The following GSKIP variants were observed in gnomAD, a reference collection of about 807,000 sequenced individuals.
The protein encoded by GSKIP is GSK3B interacting protein, also known as GSK3B-interacting protein.
In GSKIP, 5 loss-of-function variants were observed where a neutral mutation model predicts 11.9. That is an observed-to-expected ratio of 0.42 (90% CI 0.22 to 0.89). The LOEUF is 0.89. GSKIP is among the 40% of genes least tolerant of loss of function. The probability of loss-of-function intolerance (pLI) is 0.29; values close to 1 mark genes in which losing one functional copy is unlikely to be tolerated. For synonymous variants in GSKIP, 70 were observed against 62.9 expected, an observed-to-expected ratio of 1.11 and a Z score of -0.54; for missense variants, 150 against 166.6, an observed-to-expected ratio of 0.90 and a Z score of 0.55.
intron 3 of GSKIP, among the ~76,000 whole-genome samples, chr14:96,383,252 A>AT (rs1889398804): frequency 6.6e-6 from 1 of 152,102 alleles, no homozygotes. Flanking sequence ...TCTACAATAT[A>AT]TTTTTTGTTA....
At chr14:96,369,309 A>T (rs1339509059) in intron 1 of GSKIP, among the ~76,000 whole-genome samples, 2 of 152,232 alleles carry the variant, frequency 1.3e-5, no homozygotes, top group Non-Finnish European at 2.9e-5. Context: ...AGCAGAGCAT[A>T]AAAATATGGG....
chr14:96,375,559 G>A (rs554091112), intron 1 of GSKIP, among the ~76,000 whole-genome samples: 1 of 151,168 alleles, frequency 6.6e-6, no homozygotes, highest in Admixed American at 6.6e-5. Flanking sequence ...TCAGCCTCCC[G>A]AGTAGCTGGG....
At chr14:96,373,174 G>C (rs913991587) in intron 1 of GSKIP, among the ~76,000 whole-genome samples, 1 of 130,448 alleles carries the variant, frequency 7.7e-6, no homozygotes, top group Non-Finnish European at 1.6e-5. Context: ...GGATTGCAGT[G>C]AACTGAGATA....
chr14:96,382,181 C>T (rs1355580921), intron 2 of GSKIP, 66 bp from the exon 3 acceptor site: 7 of 1,131,260 alleles, frequency 6.2e-6, no homozygotes, highest in Non-Finnish European at 7.4e-6. Flanking sequence ...TAATTTTAAT[C>T]AAATGTAGTA....
intron 1 of GSKIP, chr14:96,364,260 CCTT>C (rs1566740673): frequency 6.6e-6 from 1 of 152,180 alleles, no homozygotes; most frequent in East Asian, 1.9e-4. Context: ...AGCCAGATGT[CCTT>C]CGTTAGAATC....
At chr14:96,373,763 A>G (rs938397546) in intron 1 of GSKIP, among the ~76,000 whole-genome samples, 1 of 152,370 alleles carries the variant, frequency 6.6e-6, no homozygotes, top group East Asian at 1.9e-4. Flanking sequence ...TTAACTAGAG[A>G]TTAAACGCAG....
At chr14:96,367,790 A>G (rs890147504) in intron 1 of GSKIP, among the ~76,000 whole-genome samples, 1 of 152,230 alleles carries the variant, frequency 6.6e-6, no homozygotes, top group African/African-American at 2.4e-5. Context: ...TAATTTATGT[A>G]TGATGTTTTA....
chr14:96,374,082 T>C (rs1005505462), intron 1 of GSKIP, among the ~76,000 whole-genome samples: 6 of 152,132 alleles, frequency 3.9e-5, no homozygotes, highest in Non-Finnish European at 5.9e-5. Flanking sequence ...ATAACACTTA[T>C]TATGGCTGTA....
chr14:96,382,295 TGAA>T lies in GSKIP; in HGVS notation c.53_55del (p.Glu18del). 6.2e-7 allele frequency: 1 copy of T among 1,613,118 alleles called. No individual in the cohort carries two copies. Among genetic ancestry groups the T allele is most frequent in the Non-Finnish European group, 8.5e-7 (1 of 1,179,214 alleles). ...TGGAGCTAAGCAGTATGTCAGGATT[TGAA>T]GAAGGTTCAGAGCTGAACGGTTTTG... On this transcript the variant is annotated inframe_deletion, in exon 3 of 4. Coordinates refer to ENST00000555181, the MANE Select transcript of GSKIP (RefSeq NM_016472.5).
At position 96,380,656 on chromosome 14, in the gene GSKIP, C is replaced by T. The variant is rs114610244; in HGVS notation, c.-2+868C>T. 9.4e-3 allele frequency among the ~76,000 whole-genome samples: 1,438 copies of T among 152,232 alleles called. 22 individuals are homozygous for T. The highest frequency in any genetic ancestry group is 0.032 in the African/African-American group (1,333 of 41,522). On this transcript the variant is annotated intron_variant, in intron 2 of 3. Transcript: ENST00000555181. ...AATAGCAATGGACTGTGCAGTGTAC[C>T]AGATCGGTGTCCATATTGTCAGAAA...
At position 96,378,173 on chromosome 14, in the gene GSKIP, A is replaced by C. The variant is rs530686084; in HGVS notation, c.-102-1515A>C. Among the ~76,000 whole-genome samples the C allele has an allele frequency of 5.3e-5, 8 of 152,238 alleles. No homozygotes were observed. In the South Asian group the frequency reaches 1.5e-3, roughly 28 times the overall value. Reference sequence around the variant, plus strand: ...GAGTTCAAGACTAGCCTGGGTAAACATAGGAAGACCCTGTCTCTCCAAAAA... The same window carrying C: ...GAGTTCAAGACTAGCCTGGGTAAACCTAGGAAGACCCTGTCTCTCCAAAAA... On this transcript the variant is annotated intron_variant, in intron 1 of 3. Transcript: ENST00000555181.
intron 1 of GSKIP, among the ~76,000 whole-genome samples, chr14:96,365,584 CT>C (rs5810763): frequency 0.89 from 135,155 of 151,680 alleles, 60,718 homozygotes; most frequent in Middle Eastern, 0.93. Context: ...AATCCCAGAA[CT>C]TTTGGGAGGC....
intron 3 of GSKIP, 55 bp downstream of exon 3, chr14:96,382,560 C>T: frequency 1.5e-6 from 2 of 1,357,896 alleles, no homozygotes; most frequent in Admixed American, 2.1e-5. Flanking sequence ...ACCACTTTAT[C>T]AAAAAGAGGG....
Position 96,385,674 on chromosome 14 carries a change from G to A in GSKIP, c.410G>A (p.Gly137Glu). The A allele has an allele frequency of 6.2e-7, 1 of 1,611,552 alleles. No individual in the cohort carries two copies. Among genetic ancestry groups the A allele is most frequent in the Non-Finnish European group, 8.5e-7 (1 of 1,179,102 alleles). ...LQRLEALKRDGQS is the reference protein window; with the variant it reads ...LQRLEALKRDEQS ...AGACTGGAAGCTTTGAAAAGAGATG[G>A]ACAGTCATGACTACACTTTTTCCTT... Residue 137 changes from glycine (G) to glutamate (E), a missense_variant, in exon 4 of 4, where the codon GGA (glycine) becomes GAA (glutamate). Physicochemically the swap from Gly to Glu is moderately conservative, Grantham distance 98. Transcript: ENST00000555181.
Position 96,382,447 on chromosome 14 carries a change from A to G in GSKIP, c.200A>G (p.Asn67Ser). Residue 67 changes from asparagine to serine, a missense_variant, in exon 3 of 4, where the codon AAT becomes AGT. Asn to Ser is a conservative substitution (Grantham distance 46). Coordinates refer to ENST00000555181, the MANE Select transcript of GSKIP (RefSeq NM_016472.5). ...TGTGCGGATGATGTGGCCTATATCA[A>G]TGTGGAAACAAAGGAAAGAAACAGA... ...LRCADDVAYI[N>S]VETKERNRYC... 1.9e-6 allele frequency: 3 copies of G among 1,613,022 alleles called. No homozygotes were observed. Among genetic ancestry groups the G allele is most frequent in the Non-Finnish European group, 1.7e-6 (2 of 1,179,016 alleles).
chr14:96,364,024 G>A (rs1888785658), intron 1 of GSKIP: 1 of 152,314 alleles, frequency 6.6e-6, no homozygotes, highest in South Asian at 2.1e-4. Context: ...TCATAGCAAC[G>A]ATCAGGAAAC....
chr14:96,382,228 CTT>C lies in GSKIP; in HGVS notation c.-1-6_-1-5del, dbSNP rs34610576. ...TTTCTATAAACAAATTTTATAACTG[CTT>C]TTTTTTTTTTTTACAGAATGGAAAC... On this transcript the variant is annotated splice_polypyrimidine_tract_variant and intron_variant, in intron 2 of 3. Coordinates refer to ENST00000555181, the MANE Select transcript of GSKIP (RefSeq NM_016472.5). The C allele has an allele frequency of 0.02, 26,202 of 1,295,946 alleles. No homozygotes were observed. Among genetic ancestry groups the C allele is most frequent in the South Asian group, 0.039 (2,663 of 68,308 alleles). 80.3% of individuals were successfully genotyped at this position (1,295,946 alleles called of 1,614,324 possible).
At chr14:96,373,245 A>G (rs930970999) in intron 1 of GSKIP, among the ~76,000 whole-genome samples, 20 of 151,462 alleles carry the variant, frequency 1.3e-4, no homozygotes, top group South Asian at 1.0e-3. Flanking sequence ...AAAAAAAAAA[A>G]AAAAAAAGAA....
rs551850580 is a variant in GSKIP, at chr14:96,375,884, T to G, written c.-102-3804T>G. The stretch of plus-strand genomic sequence containing the variant: ...GGGGCTGAATGTGCTGGCTCACATC[T>G]TTCCCCCTCTTCTTACAGAGCCACC... On this transcript the variant is annotated intron_variant, in intron 1 of 3. Transcript: ENST00000555181. Among the ~76,000 whole-genome samples the G allele has an allele frequency of 6.6e-5, 10 of 152,340 alleles. No homozygotes were observed. The East Asian group carries it at 1.9e-3, about 29-fold the overall frequency.
Sources: gnomAD v4.1 joint callset for allele counts (sites outside exome capture counted in the v4.1 genomes callset) on GRCh38, gnomAD v4.1.1 for gene constraint, MANE v1.5 for transcripts, NCBI Gene and HGNC (gene_info 2026-07-23, HGNC 2026-07-21) for gene names.